ZXDC: variants seen among roughly 807,000 people sequenced by gnomAD.
The protein encoded by ZXDC is ZXD family zinc finger C, also known as zinc finger protein ZXDC.
ZXDC carries 58 observed loss-of-function variants against 63.6 expected under a neutral mutation model. The observed-to-expected ratio is 0.91, with a 90% CI of 0.74 to 1.13. The LOEUF (loss-of-function observed/expected upper bound fraction) is 1.13. ZXDC is among the 50% of genes most tolerant of loss of function. ZXDC has a pLI of 0.00. For synonymous variants in ZXDC, 561 were observed against 496.1 expected (o/e 1.13, Z -1.74); for missense variants, 1,133 against 1,148.9 (o/e 0.99, Z 0.20).
chr3:126,473,175 C>G (rs534923228), intron 1 of ZXDC, among the ~76,000 whole-genome samples: 1 of 152,158 alleles, frequency 6.6e-6, no homozygotes, highest in Non-Finnish European at 1.5e-5. Context: ...CAAAATACCT[C>G]CAGGGTATTT....
chr3:126,460,164 T>C (rs1261819961), intron 6 of ZXDC: 25 of 982,378 alleles, frequency 2.5e-5, no homozygotes, highest in Non-Finnish European at 2.8e-5. Context: ...AGACCCACTG[T>C]ACAGGCTGCT....
Position 126,441,815 on chromosome 3 carries a change from C to A in ZXDC, c.2344G>T (p.Ala782Ser), listed in dbSNP as rs758183787. 5.0e-6 allele frequency: 8 copies of A among 1,613,254 alleles called. No homozygotes were observed. Among genetic ancestry groups the A allele is most frequent in the Non-Finnish European group, 6.8e-6 (8 of 1,179,798 alleles). ...PSGGRPGPAP[A>S]AGVQCGAQGV... Reference sequence around the variant, plus strand: ...TGCGCCCCGCACTGCACCCCAGCTGCTGGAGCTGGTCCTGGCCGTCCTCCG... The same window carrying A: ...TGCGCCCCGCACTGCACCCCAGCTGATGGAGCTGGTCCTGGCCGTCCTCCG... The change falls in exon 8 of 10, where the codon GCA becomes TCA. Residue 782 changes from alanine (A) to serine (S), a missense_variant. Coordinates refer to ENST00000389709, the MANE Select transcript of ZXDC (RefSeq NM_025112.5).
intron 5 of ZXDC, among the ~76,000 whole-genome samples, chr3:126,462,702 G>C (rs762729895): frequency 6.6e-6 from 1 of 152,058 alleles, no homozygotes; most frequent in African/African-American, 2.4e-5. Flanking sequence ...GATATTTTCC[G>C]AATCAGCTTG....
intron 5 of ZXDC, 51 bp from the exon 6 acceptor site, chr3:126,462,271 G>C (rs1341309311): frequency 2.0e-6 from 3 of 1,526,836 alleles, no homozygotes; most frequent in South Asian, 2.6e-5. Context: ...TGAAGACTGA[G>C]TACTTTTGTT....
rs558896620 is a variant in ZXDC, at chr3:126,451,923, G to A, written c.2212+7730C>T. On this transcript the variant is annotated intron_variant, in intron 7 of 9. Transcript: ENST00000389709. ...AGGCGTGAACAGAGTTACTGCATGT[G>A]AAGGACACACGACAAAAAGAACAAG... The A allele has an allele frequency of 8.1e-6, 8 of 985,412 alleles. No individual in the cohort carries two copies. In the South Asian group the frequency reaches 3.8e-4, roughly 46 times the overall value. 61.0% of individuals were successfully genotyped at this position (985,412 alleles called of 1,614,324 possible).
At position 126,472,052 on chromosome 3, in the gene ZXDC, C is replaced by T; in HGVS notation, c.1061-1G>A. The T allele has an allele frequency of 6.2e-7, 1 of 1,611,222 alleles. No homozygotes were observed. Among genetic ancestry groups the T allele is most frequent in the African/African-American group, 1.3e-5 (1 of 74,824 alleles). Reference sequence around the variant, plus strand: ...GAGTCACAAATAAATGGTCTTTCACCTTATAAAAGAAAAAATTATACAGCA... The same window carrying T: ...GAGTCACAAATAAATGGTCTTTCACTTTATAAAAGAAAAAATTATACAGCA... On this transcript the variant is annotated splice_acceptor_variant, in intron 2 of 9. Transcript: ENST00000389709. LOFTEE classifies it high-confidence loss of function.
Position 126,472,028 on chromosome 3 carries a change from A to T in ZXDC, c.1084T>A (p.Ser362Thr), listed in dbSNP as rs1934998329. The T allele has an allele frequency of 6.2e-7, 1 of 1,613,858 alleles. No individual in the cohort carries two copies. The highest frequency in any genetic ancestry group is 8.5e-7 in the Non-Finnish European group (1 of 1,179,922). ...HTGERPFICDSDSCGWTFTSM... is the reference protein window; with the variant it reads ...HTGERPFICDTDSCGWTFTSM... Reference sequence around the variant, plus strand: ...GTGAAGGTCCAGCCACAGCTGTCAGAGTCACAAATAAATGGTCTTTCACCT... The same window carrying T: ...GTGAAGGTCCAGCCACAGCTGTCAGTGTCACAAATAAATGGTCTTTCACCT... Residue 362 changes from serine to threonine, a missense_variant, in exon 3 of 10, where the codon TCT becomes ACT. Coordinates refer to ENST00000389709, the MANE Select transcript of ZXDC (RefSeq NM_025112.5).
chr3:126,468,061 G>C (rs566154725), intron 4 of ZXDC, among the ~76,000 whole-genome samples: 2 of 152,218 alleles, frequency 1.3e-5, no homozygotes, highest in South Asian at 4.1e-4. Context: ...CCAGTATATT[G>C]AGATCTGTTT....
chr3:126,451,081 C>T, intron 7 of ZXDC: 2 of 980,372 alleles, frequency 2.0e-6, no homozygotes, highest in Non-Finnish European at 2.4e-6. Flanking sequence ...CTCAGGCCCA[C>T]CAGGCCACCC....
intron 7 of ZXDC, chr3:126,454,066 T>TA (rs1175238959): frequency 1.5e-4 from 108 of 735,486 alleles, no homozygotes; most frequent in African/African-American, 3.0e-4. Context: ...ATATATATAT[T>TA]TTTTTTTTTG....
At chr3:126,454,667 T>C (rs890383077) in intron 7 of ZXDC, 6 of 985,356 alleles carry the variant, frequency 6.1e-6, no homozygotes, top group Admixed American at 6.1e-5. Context: ...TCTGTCACAA[T>C]GTGTCTTGCT....
chr3:126,461,187 G>A (rs1379832977), intron 6 of ZXDC: 7 of 1,030,286 alleles, frequency 6.8e-6, no homozygotes, highest in African/African-American at 1.7e-5. Flanking sequence ...CCTCTTCTAG[G>A]ACTGGTCATG....
At position 126,438,309 on chromosome 3, in the gene ZXDC, G is replaced by T; in HGVS notation, c.*66C>A. ...CCAAATGAGGTCTCCCCAGGCTCAT[G>T]TCATGAGTCTCAGGGAAGGTGTGTC... On this transcript the variant is annotated 3_prime_UTR_variant, in exon 10 of 10. Transcript: ENST00000389709. 2 of 1,401,776 alleles carry T rather than the reference G, an allele frequency of 1.4e-6. No individual in the cohort carries two copies. Among genetic ancestry groups the T allele is most frequent in the Non-Finnish European group, 9.9e-7 (1 of 1,005,620 alleles). 86.8% of individuals were successfully genotyped at this position (1,401,776 alleles called of 1,614,324 possible). A position where few individuals can be genotyped will look rare whatever the true frequency, so the allele number is the denominator to read the frequency against.
At chr3:126,473,226 AAC>A (rs1935043840) in intron 1 of ZXDC, among the ~76,000 whole-genome samples, 2 of 152,106 alleles carry the variant, frequency 1.3e-5, no homozygotes, top group Admixed American at 1.3e-4. Context: ...TGTAAATCTG[AAC>A]ACAGACTCTC....
intron 4 of ZXDC, among the ~76,000 whole-genome samples, chr3:126,469,480 C>G (rs1399768191): frequency 1.3e-5 from 2 of 152,220 alleles, no homozygotes; most frequent in African/African-American, 4.8e-5. Flanking sequence ...CTTCTAACTC[C>G]CACCTCTGCT....
chr3:126,461,932 C>T lies in ZXDC; in HGVS notation c.1730G>A (p.Ser577Asn). ...CCCGAGAACCAGAGGGCTGTCCAGG[C>T]TTGGGGGAATATCACTGTGGGCCAC... ...VLVAHSDIPP[S>N]LDSPLVLGTA... is the part of the protein sequence containing the mutation. The change falls in exon 6 of 10, where the codon AGC becomes AAC. Residue 577 changes from serine (S) to asparagine (N), a missense_variant. Coordinates refer to ENST00000389709, the MANE Select transcript of ZXDC (RefSeq NM_025112.5). 6.2e-7 allele frequency: 1 copy of T among 1,614,098 alleles called. No individual in the cohort carries two copies. Among genetic ancestry groups the T allele is most frequent in the South Asian group, 1.1e-5 (1 of 91,066 alleles).
At position 126,461,744 on chromosome 3, in the gene ZXDC, G is replaced by A. The variant is rs772081994; in HGVS notation, c.1918C>T (p.Pro640Ser). Reference sequence around the variant, plus strand: ...TCTCGGGGGGTGCTCGAAGAGGTCGGTGTGGTGATATGTGCTGCTAAGTTA... The same window carrying A: ...TCTCGGGGGGTGCTCGAAGAGGTCGATGTGGTGATATGTGCTGCTAAGTTA... ...NSNLAAHITTPTSSSTPRENA... is the reference protein window; with the variant it reads ...NSNLAAHITTSTSSSTPRENA... Residue 640 changes from proline to serine, a missense_variant, in exon 6 of 10, where the codon CCG becomes TCG. Physicochemically the swap from Pro to Ser is moderately conservative, Grantham distance 74. Coordinates refer to ENST00000389709, the MANE Select transcript of ZXDC (RefSeq NM_025112.5). 28 of 1,613,842 alleles carry A rather than the reference G, an allele frequency of 1.7e-5. 1 individual carries two copies. The South Asian group carries it at 2.2e-4, about 13-fold the overall frequency.
intron 6 of ZXDC, chr3:126,461,101 A>G: frequency 1.0e-6 from 1 of 985,888 alleles, no homozygotes; most frequent in Non-Finnish European, 1.2e-6. Context: ...TTTCTTGTTA[A>G]TTCTAATTTT....
At chr3:126,473,663 G>C (rs887741534) in intron 1 of ZXDC, among the ~76,000 whole-genome samples, 3 of 152,200 alleles carry the variant, frequency 2.0e-5, no homozygotes, top group South Asian at 4.1e-4. Flanking sequence ...AGAGGAATGC[G>C]CAAGACAGTC....
Sources: gnomAD v4.1 joint callset for allele counts (sites outside exome capture counted in the v4.1 genomes callset) on GRCh38, gnomAD v4.1.1 for gene constraint, MANE v1.5 for transcripts, NCBI Gene and HGNC (gene_info 2026-07-23, HGNC 2026-07-21) for gene names.